The following PARN variants were observed in gnomAD, a reference collection of about 807,000 sequenced individuals.
PARN encodes the protein poly(A)-specific ribonuclease.
In PARN, 71 loss-of-function variants were observed where a neutral mutation model predicts 102.8. The observed-to-expected ratio is 0.69, with a 90% CI of 0.57 to 0.84. The LOEUF (loss-of-function observed/expected upper bound fraction) is 0.84. Ranked by LOEUF, PARN falls within the 40% of genes least tolerant of loss-of-function variation. The pLI is 0.00. For missense variants in PARN, 782 were observed against 760.9 expected (o/e 1.03, Z -0.33); for synonymous variants, 261 against 252.9 (o/e 1.03, Z -0.30).
chr16:14,630,110 T>C lies in PARN; in HGVS notation c.16A>G (p.Ser6Gly), dbSNP rs1415390022. Residue 6 changes from serine to glycine, a missense_variant, in exon 1 of 24, where the codon AGC (serine) becomes GGC (glycine). Physicochemically the swap from Ser to Gly is moderately conservative, Grantham distance 56 (BLOSUM62 0). Transcript: ENST00000437198. MEIIR[S>G]NFKSNLHKVY... is the part of the protein sequence containing the mutation. ...GAGGTGTACGGCGGACACGCACTGC[T>C]CCTGATTATCTCCATTCTGCAGAGT... The C allele has an allele frequency of 6.4e-7, 1 of 1,561,652 alleles. No individual in the cohort carries two copies. Among genetic ancestry groups the C allele is most frequent in the African/African-American group, 1.4e-5 (1 of 73,734 alleles).
Position 14,435,986 on chromosome 16 carries a change from C to A in PARN, c.*731G>T, listed in dbSNP as rs1567277619. 2 of 151,064 alleles carry A rather than the reference C, an allele frequency of 1.3e-5. No homozygotes were observed. Among genetic ancestry groups the A allele is most frequent in the African/African-American group, 4.9e-5 (2 of 40,830 alleles). The allele number at this position is 151,064 out of a possible 1,614,324, so 9.4% of individuals were successfully genotyped here. A position where few individuals can be genotyped will look rare whatever the true frequency, so the allele number is the denominator to read the frequency against. Reference sequence around the variant, plus strand: ...CGCTGCCGTACCCCGAGACCGCCATCCAAACAAACGAACAGAGACTCTGGA... The same window carrying A: ...CGCTGCCGTACCCCGAGACCGCCATACAAACAAACGAACAGAGACTCTGGA... On this transcript the variant is annotated 3_prime_UTR_variant, in exon 24 of 24. Coordinates refer to ENST00000437198, the MANE Select transcript of PARN (RefSeq NM_002582.4).
intron 10 of PARN, 89 bp downstream of exon 10, chr16:14,606,395 G>A (rs62037478): frequency 3.1e-6 from 1 of 324,192 alleles, no homozygotes. Flanking sequence ...AAGACCCTGA[G>A]GGAAAAAAAA....
At chr16:14,582,364 C>CA in intron 16 of PARN, 73 bp from the exon 17 acceptor site, 1 of 944,650 alleles carries the variant, frequency 1.1e-6, no homozygotes, top group Non-Finnish European at 1.7e-6. Flanking sequence ...ATCAAAATTG[C>CA]ATTAGCATAT....
At chr16:14,457,398 G>C (rs75354548) in intron 22 of PARN, among the ~76,000 whole-genome samples, 1,578 of 152,242 alleles carry the variant, frequency 0.01, 29 homozygotes, top group African/African-American at 0.036. Context: ...TGTGTTTGGG[G>C]CTCAATTTAG....
intron 7 of PARN, among the ~76,000 whole-genome samples, chr16:14,610,024 A>C (rs1009612660): frequency 6.6e-6 from 1 of 151,996 alleles, no homozygotes; most frequent in Non-Finnish European, 1.5e-5. Flanking sequence ...CCAGCCTGGG[A>C]AACATAGTGA....
chr16:14,487,478 T>C (rs1178792688), intron 21 of PARN, among the ~76,000 whole-genome samples: 1 of 152,196 alleles, frequency 6.6e-6, no homozygotes, highest in Admixed American at 6.5e-5. Context: ...ATGCATTATG[T>C]TTATGAAGAG....
chr16:14,549,358 C>G (rs920420359), intron 21 of PARN, among the ~76,000 whole-genome samples: 2 of 152,170 alleles, frequency 1.3e-5, no homozygotes, highest in Admixed American at 1.3e-4. Flanking sequence ...TTTCCTCATG[C>G]TGCAGTGTGT....
intron 22 of PARN, 134 bp downstream of exon 22, chr16:14,482,504 T>C (rs375958862): frequency 6.2e-6 from 4 of 647,410 alleles, no homozygotes; most frequent in Non-Finnish European, 2.6e-6. Context: ...CATAGTCACT[T>C]CTGATATGAT....
intron 8 of PARN, among the ~76,000 whole-genome samples, chr16:14,608,763 G>A (rs1048104928): frequency 1.3e-5 from 2 of 152,174 alleles, no homozygotes; most frequent in Non-Finnish European, 2.9e-5. Context: ...AAGCCTTCAC[G>A]TATTAAGCGC....
At chr16:14,441,956 T>C (rs559208689) in intron 23 of PARN, among the ~76,000 whole-genome samples, 1 of 152,260 alleles carries the variant, frequency 6.6e-6, no homozygotes, top group South Asian at 2.1e-4. Flanking sequence ...CCAATAAAAC[T>C]CCAGGTTCTT....
At chr16:14,456,316 T>C (rs1961677103) in intron 22 of PARN, among the ~76,000 whole-genome samples, 1 of 152,024 alleles carries the variant, frequency 6.6e-6, no homozygotes, top group African/African-American at 2.4e-5. Context: ...ACTACAGGCA[T>C]GCACTACCAC....
At chr16:14,453,850 ATT>A (rs1165785646) in intron 22 of PARN, among the ~76,000 whole-genome samples, 1 of 152,214 alleles carries the variant, frequency 6.6e-6, no homozygotes, top group African/African-American at 2.4e-5. Flanking sequence ...ACTATTTGTC[ATT>A]ACAAATAATG....
chr16:14,444,744 G>A (rs570182173), intron 23 of PARN, among the ~76,000 whole-genome samples: 2 of 152,268 alleles, frequency 1.3e-5, no homozygotes, highest in Admixed American at 6.5e-5. Context: ...TTGAGCACAC[G>A]AAACATGACA....
intron 6 of PARN, among the ~76,000 whole-genome samples, chr16:14,614,620 G>T (rs1191511152): frequency 6.6e-6 from 1 of 152,074 alleles, no homozygotes; most frequent in Non-Finnish European, 1.5e-5. Flanking sequence ...GGAGGCCAAG[G>T]CAGGTGGACC....
chr16:14,618,373 AG>A (rs1337178710), intron 5 of PARN, among the ~76,000 whole-genome samples: 1 of 152,028 alleles, frequency 6.6e-6, no homozygotes, highest in Non-Finnish European at 1.5e-5. Flanking sequence ...CTCTAGTCCC[AG>A]CTGCTGGGGA....
At chr16:14,503,818 AT>A (rs1246855300) in intron 21 of PARN, among the ~76,000 whole-genome samples, 2 of 152,246 alleles carry the variant, frequency 1.3e-5, no homozygotes, top group Admixed American at 6.5e-5. Context: ...TGGCTTGTCC[AT>A]AGTCTTGCAG....
At chr16:14,568,265 T>C (rs1209974909) in intron 18 of PARN, among the ~76,000 whole-genome samples, 3 of 149,236 alleles carry the variant, frequency 2.0e-5, no homozygotes, top group African/African-American at 7.4e-5. Flanking sequence ...CAGGCTGCGG[T>C]GCAGTGGCAC....
intron 21 of PARN, among the ~76,000 whole-genome samples, chr16:14,544,754 C>T (rs1259797812): frequency 6.6e-6 from 1 of 152,084 alleles, no homozygotes; most frequent in Non-Finnish European, 1.5e-5. Flanking sequence ...AATACGTATG[C>T]CCCTAATAAT....
At chr16:14,487,800 T>A (rs536623744) in intron 21 of PARN, among the ~76,000 whole-genome samples, 1 of 152,296 alleles carries the variant, frequency 6.6e-6, no homozygotes, top group African/African-American at 2.4e-5. Context: ...CAGAACTATT[T>A]TATATCCTGA....
Sources: gnomAD v4.1 joint callset for allele counts (sites outside exome capture counted in the v4.1 genomes callset) on GRCh38, gnomAD v4.1.1 for gene constraint, MANE v1.5 for transcripts, NCBI Gene and HGNC (gene_info 2026-07-23, HGNC 2026-07-21) for gene names.